Variants in LIMCH1 observed in about 807,000 individuals in gnomAD.
LIMCH1 encodes LIM and calponin homology domains 1.
Under a neutral mutation model 176.5 loss-of-function variants are expected in LIMCH1, and 113 were observed. The observed-to-expected ratio is 0.64, with a 90% CI of 0.55 to 0.75. LIMCH1 has a LOEUF of 0.75. Ranked by LOEUF, LIMCH1 falls within the 30% of genes least tolerant of loss-of-function variation. LIMCH1 has a pLI of 0.00. For missense variants in LIMCH1, 1,674 were observed against 1,814.9 expected (o/e 0.92, Z 1.41); for synonymous variants, 619 against 645.9 (o/e 0.96, Z 0.63).
In LIMCH1 at chr4:41,629,563, T is replaced by C. The variant is rs910706733; in HGVS notation, c.1100T>C (p.Val367Ala). 1.3e-6 allele frequency: 2 copies of C among 1,536,036 alleles called. No homozygotes were observed. The highest frequency in any genetic ancestry group is 8.7e-7 in the Non-Finnish European group (1 of 1,146,892). ...ATGAGGGCTCAGGAAAGTGAACCTGTGGAAGGAGGACTCAGGAAGGTGCCA... is the reference window on the plus strand; with the variant it reads ...ATGAGGGCTCAGGAAAGTGAACCTGCGGAAGGAGGACTCAGGAAGGTGCCA... ...CNMRAQESEP[V>A]EGGLRKVPDL... Residue 367 changes from valine to alanine, a missense_variant, in exon 9 of 32, where the codon GTG becomes GCG. By Grantham distance (64) the Val-to-Ala change is moderately conservative. Transcript: ENST00000503057.
At chr4:41,597,715 C>T (rs2089164635) in intron 1 of LIMCH1, among the ~76,000 whole-genome samples, 1 of 152,100 alleles carries the variant, frequency 6.6e-6, no homozygotes, top group African/African-American at 2.4e-5. Context: ...TAAGAGTTTC[C>T]CTGATTAGGT....
chr4:41,582,291 A>C (rs1391865280), intron 1 of LIMCH1, among the ~76,000 whole-genome samples: 4 of 152,186 alleles, frequency 2.6e-5, no homozygotes, highest in Admixed American at 6.5e-5. Context: ...GGTGCCAAGG[A>C]ATCATGATCC....
At position 41,633,598 on chromosome 4, in the gene LIMCH1, T is replaced by C; in HGVS notation, c.1880T>C (p.Leu627Ser). The change falls in exon 13 of 32, where the codon TTG (leucine) becomes TCG (serine). Residue 627 changes from leucine (L) to serine (S), a missense_variant. Leu to Ser is a moderately radical substitution (Grantham distance 145). Transcript: ENST00000503057. The part of the protein sequence containing the change: ...ECEASGTEEK[L>S]EKMTAPAWSG... ...GAGGCTTCAGGGACAGAAGAGAAGT[T>C]GGAGAAGATGACAGCTCCTGCCTGG... 2 of 1,536,114 alleles carry C rather than the reference T, an allele frequency of 1.3e-6. No individual in the cohort carries two copies. The highest frequency in any genetic ancestry group is 1.7e-6 in the Non-Finnish European group (2 of 1,146,910).
At chr4:41,631,077 G>GT (rs67571350) in intron 9 of LIMCH1, 71 bp from the exon 10 acceptor site, 12,466 of 925,852 alleles carry the variant, frequency 0.013, 2 homozygotes, top group South Asian at 0.02. Flanking sequence ...TTTTTTTTTT[G>GT]TTTTTTTTTT....
intron 1 of LIMCH1, among the ~76,000 whole-genome samples, chr4:41,590,518 C>G (rs756929459): frequency 2.6e-5 from 4 of 152,106 alleles, no homozygotes; most frequent in Non-Finnish European, 4.4e-5. Flanking sequence ...TCTGGCTTCC[C>G]CACTGCCTAA....
chr4:41,404,605 C>G (rs1250725710), intron 1 of LIMCH1, among the ~76,000 whole-genome samples: 1 of 152,014 alleles, frequency 6.6e-6, no homozygotes, highest in African/African-American at 2.4e-5. Context: ...TGATGAAACC[C>G]CGTCTCTACT....
chr4:41,534,700 A>AT (rs139513362), upstream of LIMCH1, among the ~76,000 whole-genome samples: 519 of 150,716 alleles, frequency 3.4e-3, 3 homozygotes, highest in Middle Eastern at 0.014. Context: ...ATGAAGACAT[A>AT]TTTTTTTTTT....
intron 1 of LIMCH1, among the ~76,000 whole-genome samples, chr4:41,370,709 C>A (rs2053829668): frequency 6.6e-6 from 1 of 152,032 alleles, no homozygotes; most frequent in South Asian, 2.1e-4. Context: ...TAGTTCAGTG[C>A]CAAATAAAAA....
intron 23 of LIMCH1, 151 bp downstream of exon 23, chr4:41,676,613 A>T (rs1454352167): frequency 3.1e-6 from 2 of 647,148 alleles, no homozygotes; most frequent in African/African-American, 3.7e-5. Context: ...GTGTCCTTGT[A>T]ACAGGGTACC....
At chr4:41,464,069 G>A (rs2154154556) in intron 1 of LIMCH1, among the ~76,000 whole-genome samples, 1 of 151,878 alleles carries the variant, frequency 6.6e-6, no homozygotes, top group East Asian at 2.0e-4. Context: ...CCCTTCCCAA[G>A]TCTGCTTAAA....
At chr4:41,512,973 A>G (rs996346863) in intron 2 of LIMCH1, among the ~76,000 whole-genome samples, 1 of 152,204 alleles carries the variant, frequency 6.6e-6, no homozygotes, top group African/African-American at 2.4e-5. Flanking sequence ...CAAGATGTTT[A>G]AAAAGTCATC....
At chr4:41,390,783 A>G (rs1377200300) in intron 1 of LIMCH1, among the ~76,000 whole-genome samples, 1 of 152,114 alleles carries the variant, frequency 6.6e-6, no homozygotes, top group Admixed American at 6.5e-5. Context: ...TATTACCTGT[A>G]AGTGTGGGCT....
chr4:41,635,216 G>C (rs1384115186), intron 13 of LIMCH1, among the ~76,000 whole-genome samples: 1 of 151,650 alleles, frequency 6.6e-6, no homozygotes, highest in Non-Finnish European at 1.5e-5. Flanking sequence ...GACTGTGGAA[G>C]CCTGAGGAAT....
chr4:41,435,110 A>G (rs946399864), intron 1 of LIMCH1, among the ~76,000 whole-genome samples: 4 of 152,298 alleles, frequency 2.6e-5, no homozygotes, highest in African/African-American at 7.2e-5. Context: ...AGTGGACCCT[A>G]TGTTATCACA....
chr4:41,374,096 A>G (rs1274456564), intron 1 of LIMCH1, among the ~76,000 whole-genome samples: 16 of 152,140 alleles, frequency 1.1e-4, no homozygotes, highest in Admixed American at 1.0e-3. Context: ...AGCCTCAGGT[A>G]GTTCTATATA....
chr4:41,574,614 C>T (rs982960304), intron 1 of LIMCH1, among the ~76,000 whole-genome samples: 2 of 152,092 alleles, frequency 1.3e-5, no homozygotes, highest in South Asian at 2.1e-4. Context: ...GATCCAGACT[C>T]ATCCCTGGGA....
At chr4:41,547,315 G>C (rs2079583774) in intron 1 of LIMCH1, among the ~76,000 whole-genome samples, 1 of 152,036 alleles carries the variant, frequency 6.6e-6, no homozygotes, top group African/African-American at 2.4e-5. Context: ...TCACCCACCT[G>C]TTACCTCCTC....
At chr4:41,477,411 A>G (rs2067914676) in intron 1 of LIMCH1, among the ~76,000 whole-genome samples, 1 of 152,188 alleles carries the variant, frequency 6.6e-6, no homozygotes, top group African/African-American at 2.4e-5. Flanking sequence ...TCCCCCCACC[A>G]TGACAACCTG....
chr4:41,409,886 C>T (rs888138315), intron 1 of LIMCH1, among the ~76,000 whole-genome samples: 2 of 152,202 alleles, frequency 1.3e-5, no homozygotes, highest in African/African-American at 4.8e-5. Flanking sequence ...CAACTTAATT[C>T]ACTCTTCCCT....
Sources: gnomAD v4.1 joint callset for allele counts (sites outside exome capture counted in the v4.1 genomes callset) on GRCh38, gnomAD v4.1.1 for gene constraint, MANE v1.5 for transcripts, NCBI Gene and HGNC (gene_info 2026-07-23, HGNC 2026-07-21) for gene names.